The following PLXDC2 variants were observed in gnomAD, a reference collection of about 807,000 sequenced individuals.
PLXDC2 encodes plexin domain containing 2.
A neutral mutation model predicts 68.9 loss-of-function variants in PLXDC2; 40 were observed. The ratio of observed to expected loss-of-function variants is 0.58; its 90% CI spans 0.45 to 0.76. The LOEUF is 0.76. Among genes scored for constraint, PLXDC2 ranks in the 30% least tolerant of loss-of-function variants. The probability of loss-of-function intolerance (pLI) is 0.00; values close to 1 mark genes in which losing one functional copy is unlikely to be tolerated. For missense variants in PLXDC2, 644 were observed against 661.9 expected, an observed-to-expected ratio of 0.97 and a Z score of 0.30; for synonymous variants, 243 against 234.2, an observed-to-expected ratio of 1.04 and a Z score of -0.34.
chr10:20,037,306 A>AGTTCACCT (rs111877995), intron 2 of PLXDC2, among the ~76,000 whole-genome samples: 2,673 of 151,268 alleles, frequency 0.018, 75 homozygotes, highest in African/African-American at 0.061. Context: ...GTAAGTTGGC[A>AGTTCACCT]GTTCACCTAA....
chr10:20,113,260 G>A (rs534632454), intron 4 of PLXDC2, among the ~76,000 whole-genome samples: 1 of 152,288 alleles, frequency 6.6e-6, no homozygotes. Flanking sequence ...CAGAAATTGG[G>A]TTAGCTTTCT....
chr10:19,907,926 C>G (rs1217047643), intron 1 of PLXDC2, among the ~76,000 whole-genome samples: 1 of 152,166 alleles, frequency 6.6e-6, no homozygotes, highest in African/African-American at 2.4e-5. Context: ...TTTTCAGACC[C>G]TCACTGGTAC....
At chr10:20,202,932 T>G (rs1410096355) in intron 9 of PLXDC2, among the ~76,000 whole-genome samples, 1 of 152,166 alleles carries the variant, frequency 6.6e-6, no homozygotes, top group Non-Finnish European at 1.5e-5. Context: ...TCTGTCTACC[T>G]TTTTATATAT....
At chr10:19,975,860 T>C (rs1300123711) in intron 1 of PLXDC2, among the ~76,000 whole-genome samples, 3 of 152,008 alleles carry the variant, frequency 2.0e-5, no homozygotes, top group East Asian at 1.9e-4. Context: ...AAAAATTAGC[T>C]GGGCATGGTG....
chr10:20,065,073 ACTGT>A (rs1836180844), intron 3 of PLXDC2, among the ~76,000 whole-genome samples: 1 of 152,002 alleles, frequency 6.6e-6, no homozygotes, highest in Non-Finnish European at 1.5e-5. Context: ...TTCCAAATAA[ACTGT>A]CTGCCCCTAA....
chr10:20,268,905 AATT>A (rs1378294960), intron 13 of PLXDC2, among the ~76,000 whole-genome samples: 3 of 152,190 alleles, frequency 2.0e-5, no homozygotes, highest in Non-Finnish European at 4.4e-5. Flanking sequence ...CCTAATAGCA[AATT>A]ATTACATGAT....
chr10:20,067,228 G>T (rs1388139112), intron 3 of PLXDC2, among the ~76,000 whole-genome samples: 1 of 152,100 alleles, frequency 6.6e-6, no homozygotes, highest in African/African-American at 2.4e-5. Flanking sequence ...GGAAAACAAA[G>T]GGTGCAATCC....
chr10:19,954,395 T>G (rs1834035874), intron 1 of PLXDC2, among the ~76,000 whole-genome samples: 1 of 152,140 alleles, frequency 6.6e-6, no homozygotes, highest in South Asian at 2.1e-4. Context: ...AACCCAGGAG[T>G]AAGCATCTAA....
chr10:20,068,648 C>T (rs1836260542), intron 4 of PLXDC2, among the ~76,000 whole-genome samples: 2 of 147,988 alleles, frequency 1.4e-5, no homozygotes, highest in African/African-American at 2.5e-5. Flanking sequence ...CATATATATG[C>T]ACTTACACAC....
intron 9 of PLXDC2, among the ~76,000 whole-genome samples, chr10:20,196,935 G>C (rs1000921109): frequency 6.6e-6 from 1 of 152,108 alleles, no homozygotes; most frequent in Non-Finnish European, 1.5e-5. Context: ...ACGGCTAGAG[G>C]CTCCATTGTT....
At chr10:19,939,856 A>G (rs35978700) in intron 1 of PLXDC2, among the ~76,000 whole-genome samples, 1,573 of 152,130 alleles carry the variant, frequency 0.01, 15 homozygotes, top group Non-Finnish European at 0.017. Flanking sequence ...GAAAATAGGG[A>G]TGTTTTTGAA....
intron 1 of PLXDC2, among the ~76,000 whole-genome samples, chr10:19,903,473 C>G (rs1838191733): frequency 6.6e-6 from 1 of 151,942 alleles, no homozygotes; most frequent in African/African-American, 2.4e-5. Flanking sequence ...TAAAGGTGCT[C>G]ACAGTACCCT....
At chr10:20,068,382 C>A in intron 4 of PLXDC2, 143 bp downstream of exon 4, 1 of 735,192 alleles carries the variant, frequency 1.4e-6, no homozygotes, top group Non-Finnish European at 2.1e-6. Flanking sequence ...TAAATAAAAC[C>A]AAAGAAAGGG....
intron 4 of PLXDC2, among the ~76,000 whole-genome samples, chr10:20,085,333 G>A (rs909112618): frequency 1.3e-5 from 2 of 152,176 alleles, no homozygotes; most frequent in Admixed American, 1.3e-4. Context: ...CTGCCTCAGA[G>A]AATTGCCTGG....
intron 1 of PLXDC2, among the ~76,000 whole-genome samples, chr10:19,940,511 G>C (rs1833800271): frequency 6.7e-6 from 1 of 148,392 alleles, no homozygotes; most frequent in Non-Finnish European, 1.5e-5. Flanking sequence ...GTAGGTCTGA[G>C]CACATCTCAT....
intron 4 of PLXDC2, among the ~76,000 whole-genome samples, chr10:20,089,846 A>C (rs1833252924): frequency 6.6e-6 from 1 of 152,226 alleles, no homozygotes; most frequent in Admixed American, 6.5e-5. Context: ...CACAGAACAA[A>C]TAAAATTCAT....
chr10:20,247,771 G>A (rs948075571), intron 13 of PLXDC2, among the ~76,000 whole-genome samples: 1 of 152,012 alleles, frequency 6.6e-6, no homozygotes, highest in African/African-American at 2.4e-5. Flanking sequence ...TGAAAAATAG[G>A]GATTCTGCCA....
intron 1 of PLXDC2, among the ~76,000 whole-genome samples, chr10:19,889,981 A>C (rs1173023911): frequency 6.6e-6 from 1 of 152,214 alleles, no homozygotes; most frequent in Non-Finnish European, 1.5e-5. Context: ...AATAAGTAGC[A>C]GAACTGGGAT....
intron 1 of PLXDC2, among the ~76,000 whole-genome samples, chr10:19,966,437 T>TATATAAAATATATATGTGCAC (rs1564641872): frequency 2.8e-4 from 42 of 150,602 alleles, no homozygotes; most frequent in South Asian, 4.2e-4. Flanking sequence ...TATGTGCACA[T>TATATAAAATATATATGTGCAC]ATATATAAAA....
Sources: allele counts gnomAD v4.1 joint callset (sites outside exome capture counted in the v4.1 genomes callset), GRCh38; gene constraint gnomAD v4.1.1; transcripts MANE v1.5; gene names NCBI Gene and HGNC (gene_info 2026-07-23, HGNC 2026-07-21).